DLG2: variants seen among roughly 807,000 people sequenced by gnomAD.
DLG2 encodes the protein disks large homolog 2.
In DLG2, 45 loss-of-function variants were observed where a neutral mutation model predicts 132.5. The ratio of observed to expected loss-of-function variants is 0.34; its 90% CI spans 0.27 to 0.44. The LOEUF (loss-of-function observed/expected upper bound fraction) is 0.44. Ranked by LOEUF, DLG2 falls within the 20% of genes least tolerant of loss-of-function variation. The pLI is 1.00. For synonymous variants in DLG2, 424 were observed against 419.6 expected, an observed-to-expected ratio of 1.01 and a Z score of -0.13; for missense variants, 1,045 against 1,196.9, an observed-to-expected ratio of 0.87 and a Z score of 1.87.
At chr11:83,703,074 A>G (rs1290252360) in intron 18 of DLG2, among the ~76,000 whole-genome samples, 1 of 152,256 alleles carries the variant, frequency 6.6e-6, no homozygotes, top group African/African-American at 2.4e-5. Context: ...GAACTCTCAC[A>G]TAGCCCCAGG....
chr11:84,524,850 CTTTT>C (rs574933795), intron 7 of DLG2, among the ~76,000 whole-genome samples: 1 of 120,778 alleles, frequency 8.3e-6, no homozygotes. Flanking sequence ...TAGGGTATTT[CTTTT>C]TTTTTTTTTT....
At chr11:83,997,662 C>T (rs187296111) in intron 11 of DLG2, among the ~76,000 whole-genome samples, 12 of 139,246 alleles carry the variant, frequency 8.6e-5, no homozygotes, top group African/African-American at 1.4e-4. Context: ...ACCCAGGAGG[C>T]GGAGATTGCA....
chr11:84,572,667 G>A (rs2099488307), intron 6 of DLG2, among the ~76,000 whole-genome samples: 2 of 152,014 alleles, frequency 1.3e-5, no homozygotes, highest in African/African-American at 4.8e-5. Flanking sequence ...CAAACAAGGT[G>A]ACACCCTGAC....
intron 14 of DLG2, among the ~76,000 whole-genome samples, chr11:83,935,816 G>A (rs1461334101): frequency 6.6e-6 from 1 of 152,184 alleles, no homozygotes; most frequent in African/African-American, 2.4e-5. Context: ...ACCATGTTAA[G>A]TACAAGCAAA....
intron 17 of DLG2, chr11:83,790,255 G>A (rs68127610): frequency 0.19 from 166,763 of 899,868 alleles, 19,003 homozygotes; most frequent in African/African-American, 0.39. Context: ...GTTCATAAAA[G>A]CTAAACCTAC....
intron 17 of DLG2, among the ~76,000 whole-genome samples, chr11:83,827,067 G>A (rs574128892): frequency 1.8e-4 from 27 of 152,262 alleles, no homozygotes; most frequent in Admixed American, 2.6e-4. Context: ...TCATGGGACC[G>A]GGAACCAGAG....
intron 17 of DLG2, among the ~76,000 whole-genome samples, chr11:83,819,376 AG>A (rs2153977947): frequency 6.9e-6 from 1 of 145,904 alleles, no homozygotes; most frequent in Admixed American, 6.9e-5. Flanking sequence ...AGGCTGAGGC[AG>A]GAGAATTGCT....
At chr11:85,498,754 T>G (rs975401722) in intron 3 of DLG2, among the ~76,000 whole-genome samples, 3 of 152,116 alleles carry the variant, frequency 2.0e-5, no homozygotes, top group African/African-American at 7.2e-5. Context: ...TGCAATCAAA[T>G]TAGAACTCAG....
intron 3 of DLG2, among the ~76,000 whole-genome samples, chr11:85,567,754 G>A (rs2077607930): frequency 6.6e-6 from 1 of 152,078 alleles, no homozygotes; most frequent in East Asian, 1.9e-4. Flanking sequence ...GATGTTAACT[G>A]TGGGTTTTTT....
chr11:84,799,474 A>C (rs376215145), intron 6 of DLG2, among the ~76,000 whole-genome samples: 1 of 152,134 alleles, frequency 6.6e-6, no homozygotes, highest in Non-Finnish European at 1.5e-5. Context: ...AATTAAAACC[A>C]GGTATTGTGA....
At chr11:83,478,801 A>G (rs2092838833) in intron 22 of DLG2, among the ~76,000 whole-genome samples, 1 of 152,060 alleles carries the variant, frequency 6.6e-6, no homozygotes, top group African/African-American at 2.4e-5. Flanking sequence ...AACTAGTGTC[A>G]TTGGTCTTCC....
chr11:84,334,874 G>A (rs1185992773), intron 7 of DLG2, among the ~76,000 whole-genome samples: 4 of 152,020 alleles, frequency 2.6e-5, no homozygotes, highest in Admixed American at 6.5e-5. Context: ...GTGACATTTC[G>A]GCTGAGAAAG....
chr11:84,857,409 T>C (rs537188531), intron 6 of DLG2, among the ~76,000 whole-genome samples: 1 of 151,882 alleles, frequency 6.6e-6, no homozygotes, highest in Non-Finnish European at 1.5e-5. Context: ...AATTTGAATA[T>C]ATGAAGAAGT....
intron 6 of DLG2, among the ~76,000 whole-genome samples, chr11:84,767,737 T>G (rs1029596999): frequency 6.6e-6 from 1 of 152,030 alleles, no homozygotes; most frequent in African/African-American, 2.4e-5. Flanking sequence ...TGAAAAGAGA[T>G]GTTTGGAGAA....
intron 18 of DLG2, among the ~76,000 whole-genome samples, chr11:83,756,186 T>A (rs893122463): frequency 1.3e-5 from 2 of 151,280 alleles, no homozygotes; most frequent in African/African-American, 4.9e-5. Context: ...AATTAATTTA[T>A]GAAATAATTT....
chr11:84,408,593 G>A (rs1422942269), intron 7 of DLG2, among the ~76,000 whole-genome samples: 1 of 152,060 alleles, frequency 6.6e-6, no homozygotes. Flanking sequence ...ATTCAAGGTA[G>A]AAATTATATA....
At chr11:83,881,912 A>C (rs2066367654) in intron 15 of DLG2, among the ~76,000 whole-genome samples, 1 of 152,106 alleles carries the variant, frequency 6.6e-6, no homozygotes, top group African/African-American at 2.4e-5. Context: ...TGAAAATCTA[A>C]AAAAAAGTAT....
intron 9 of DLG2, among the ~76,000 whole-genome samples, chr11:84,105,713 C>T (rs1242286957): frequency 1.3e-5 from 2 of 152,026 alleles, no homozygotes; most frequent in Non-Finnish European, 2.9e-5. Context: ...TAAAAAAAGA[C>T]TCAAATAATG....
chr11:85,331,020 C>T (rs113115668), intron 3 of DLG2, among the ~76,000 whole-genome samples: 179 of 152,064 alleles, frequency 1.2e-3, no homozygotes, highest in Middle Eastern at 6.8e-3. Flanking sequence ...ATATGAGGCA[C>T]GAAGCTCATC....
Sources: allele counts gnomAD v4.1 joint callset (sites outside exome capture counted in the v4.1 genomes callset), GRCh38; gene constraint gnomAD v4.1.1; transcripts MANE v1.5; gene names NCBI Gene and HGNC (gene_info 2026-07-23, HGNC 2026-07-21).